LARP1: variants seen among roughly 807,000 people sequenced by gnomAD.
LARP1 encodes the protein La ribonucleoprotein 1, translational regulator.
LARP1 carries 36 observed loss-of-function variants against 122.7 expected under a neutral mutation model. That is an observed-to-expected ratio of 0.29 (90% CI 0.22 to 0.39). The LOEUF is 0.39. Among genes scored for constraint, LARP1 ranks in the 10% least tolerant of loss-of-function variants. LARP1 has a pLI of 1.00. For synonymous variants in LARP1, 539 were observed against 528.7 expected (o/e 1.02, Z -0.27); for missense variants, 1,040 against 1,403.6 (o/e 0.74, Z 4.14).
At chr5:154,698,863 T>C (rs1188172138) in intron 1 of LARP1, among the ~76,000 whole-genome samples, 1 of 152,212 alleles carries the variant, frequency 6.6e-6, no homozygotes, top group African/African-American at 2.4e-5. Context: ...ATGAATTCCC[T>C]TGACTGTCTC....
intron 2 of LARP1, 117 bp from the exon 3 acceptor site, chr5:154,790,528 A>G: frequency 7.6e-7 from 1 of 1,311,264 alleles, no homozygotes; most frequent in East Asian, 2.3e-5. Context: ...ATCCAGTGTG[A>G]ATGGTCCTGG....
At chr5:154,746,063 G>A (rs764557363) in intron 1 of LARP1, among the ~76,000 whole-genome samples, 17 of 152,214 alleles carry the variant, frequency 1.1e-4, no homozygotes, top group Non-Finnish European at 1.9e-4. Context: ...CTCCCAGAGT[G>A]CCTGGATTAC....
chr5:154,790,258 T>G, intron 1 of LARP1, 67 bp from the exon 2 acceptor site: 2 of 1,361,280 alleles, frequency 1.5e-6, no homozygotes, highest in South Asian at 1.3e-5. Context: ...GTGATGAGGG[T>G]GAGGAGCTGG....
rs1758465063 is a variant in LARP1, at chr5:154,802,992, A to G, written c.2110-298A>G. Among the ~76,000 whole-genome samples the G allele has an allele frequency of 6.6e-6, 1 of 152,188 alleles. No homozygotes were observed. Among genetic ancestry groups the G allele is most frequent in the Admixed American group, 6.5e-5 (1 of 15,288 alleles). Reference sequence around the variant, plus strand: ...GTAGCAGAAAGAGAGATGGGGAAACACTGGAGCTTTCAGGGGGGAGTGTGT... The same window carrying G: ...GTAGCAGAAAGAGAGATGGGGAAACGCTGGAGCTTTCAGGGGGGAGTGTGT... On this transcript the variant is annotated intron_variant, in intron 11 of 18. Transcript: ENST00000518297. The surrounding 1 kb of genome is among the most constrained non-coding windows in gnomAD (Gnocchi z 5.1).
chr5:154,786,348 TTCATTTTTAACAAAGGCTTG>T (rs1309574190), intron 1 of LARP1: 8 of 402,898 alleles, frequency 2.0e-5, no homozygotes, highest in Non-Finnish European at 3.5e-5. Flanking sequence ...GCTGGTATGC[TTCATTTTTAACAAAGGCTTG>T]TGTGTATTTA....
At chr5:154,798,036 C>T (rs1451963197) in intron 8 of LARP1, among the ~76,000 whole-genome samples, 1 of 152,208 alleles carries the variant, frequency 6.6e-6, no homozygotes, top group East Asian at 1.9e-4. Flanking sequence ...TCCACTTATA[C>T]AGTATCTTCA....
intron 1 of LARP1, among the ~76,000 whole-genome samples, chr5:154,719,284 T>C (rs1295137971): frequency 1.3e-5 from 2 of 152,144 alleles, no homozygotes; most frequent in Admixed American, 1.3e-4. Context: ...CTGGGGATCC[T>C]AGGCCCTACA....
intron 1 of LARP1, chr5:154,729,129 C>T (rs1756402465): frequency 6.5e-6 from 1 of 153,166 alleles, no homozygotes; most frequent in Non-Finnish European, 1.5e-5. Context: ...ATGGGGGAAG[C>T]ACAACACTGC....
chr5:154,793,396 GTC>G (rs1475549626), intron 4 of LARP1, among the ~76,000 whole-genome samples, 197 bp from the exon 5 acceptor site: 1 of 152,154 alleles, frequency 6.6e-6, no homozygotes, highest in African/African-American at 2.4e-5. Context: ...TTAACGAGGA[GTC>G]TCTAACACAC....
intron 1 of LARP1, among the ~76,000 whole-genome samples, chr5:154,737,559 A>C: frequency 6.9e-6 from 1 of 145,750 alleles, no homozygotes; most frequent in East Asian, 2.0e-4. Flanking sequence ...CTCCTGTCTC[A>C]GTCTCCCGAG....
chr5:154,764,957 T>C (rs1350568411), intron 1 of LARP1, among the ~76,000 whole-genome samples: 1 of 151,970 alleles, frequency 6.6e-6, no homozygotes, highest in East Asian at 1.9e-4. Flanking sequence ...ATCTAAATGC[T>C]TGTACCGCCT....
chr5:154,781,388 C>G (rs565672407), intron 1 of LARP1, among the ~76,000 whole-genome samples: 2 of 152,100 alleles, frequency 1.3e-5, no homozygotes, highest in African/African-American at 2.4e-5. Flanking sequence ...GTCAGGAGAT[C>G]GAGACCATCC....
intron 1 of LARP1, among the ~76,000 whole-genome samples, chr5:154,697,518 C>T (rs376394495): frequency 1.3e-5 from 2 of 152,144 alleles, no homozygotes; most frequent in African/African-American, 4.8e-5. Context: ...CCCAAACAAC[C>T]ATACTTGGTG....
intron 13 of LARP1, 69 bp from the exon 14 acceptor site, chr5:154,804,132 A>G (rs1276242769): frequency 4.4e-6 from 5 of 1,126,482 alleles, no homozygotes; most frequent in African/African-American, 1.5e-5. Context: ...TCTTAGTCCT[A>G]CAAGTGCTTG....
intron 1 of LARP1, among the ~76,000 whole-genome samples, chr5:154,764,795 C>G (rs1754787109): frequency 6.6e-6 from 1 of 150,588 alleles, no homozygotes; most frequent in African/African-American, 2.4e-5. Context: ...ATCCCAGCTA[C>G]TTGGGAAGCT....
At chr5:154,763,997 A>G (rs1014491158) in intron 1 of LARP1, among the ~76,000 whole-genome samples, 2 of 151,912 alleles carry the variant, frequency 1.3e-5, no homozygotes, top group African/African-American at 4.8e-5. Context: ...CCTGGGCAAC[A>G]GAGCAGGACT....
At chr5:154,794,942 G>T (rs1757627478) in intron 7 of LARP1, among the ~76,000 whole-genome samples, 1 of 152,206 alleles carries the variant, frequency 6.6e-6, no homozygotes, top group African/African-American at 2.4e-5. Context: ...GAGTTTGACA[G>T]GCATGTCGAG....
chr5:154,801,939 G>A, intron 10 of LARP1, 68 bp from the exon 11 acceptor site: 1 of 1,468,222 alleles, frequency 6.8e-7, no homozygotes, highest in Non-Finnish European at 9.2e-7. Flanking sequence ...CCCTCTCATG[G>A]TATAGCTACA....
chr5:154,727,440 T>C lies in LARP1; in HGVS notation c.205+14310T>C, dbSNP rs116741818. ...TAAAGTCATAAATGAAAATAAATCA[T>C]ATCCCATTAGAACTAGAGAGTAGAA... On this transcript the variant is annotated intron_variant, in intron 1 of 18. Coordinates refer to the LARP1 transcript ENST00000336314. Among the ~76,000 whole-genome samples the C allele has an allele frequency of 2.4e-3, 362 of 152,264 alleles. 3 individuals carry two copies. The highest frequency in any genetic ancestry group is 8.1e-3 in the African/African-American group (338 of 41,550).
Sources: allele counts gnomAD v4.1 joint callset (sites outside exome capture counted in the v4.1 genomes callset), GRCh38; gene constraint gnomAD v4.1.1; non-coding constraint Gnocchi (gnomAD v3.1); transcripts MANE v1.5; gene names NCBI Gene and HGNC (gene_info 2026-07-23, HGNC 2026-07-21).